Variants in MGA observed in about 807,000 individuals in gnomAD.
MGA encodes MAX gene-associated protein.
In MGA, 40 loss-of-function variants were observed where a neutral mutation model predicts 261.1. The ratio of observed to expected loss-of-function variants is 0.15; its 90% CI spans 0.12 to 0.20. The LOEUF is 0.20. Among genes scored for constraint, MGA ranks in the 10% least tolerant of loss-of-function variants. MGA has a pLI of 1.00. For missense variants in MGA, 3,397 were observed against 3,630.5 expected, an observed-to-expected ratio of 0.94 and a Z score of 1.65; for synonymous variants, 1,302 against 1,290.6, an observed-to-expected ratio of 1.01 and a Z score of -0.19.
At chr15:41,759,040 G>C (rs2063303898) in intron 19 of MGA, among the ~76,000 whole-genome samples, 1 of 152,166 alleles carries the variant, frequency 6.6e-6, no homozygotes, top group Admixed American at 6.5e-5. Flanking sequence ...GGAGGTGAGA[G>C]AGGGAAGAAG....
At chr15:41,664,834 A>G (rs1352369029) in intron 1 of MGA, among the ~76,000 whole-genome samples, 1 of 152,146 alleles carries the variant, frequency 6.6e-6, no homozygotes, top group Non-Finnish European at 1.5e-5. Flanking sequence ...AGTCTCTGAT[A>G]GGTATCGCCT....
Position 41,760,344 on chromosome 15 carries a change from C to G in MGA, c.7213C>G (p.Leu2405Val), listed in dbSNP as rs372245090. The G allele has an allele frequency of 2.2e-5, 35 of 1,613,910 alleles. No individual in the cohort carries two copies. Among genetic ancestry groups the G allele is most frequent in the Middle Eastern group, 1.6e-4 (1 of 6,084 alleles). Residue 2405 changes from leucine to valine, a missense_variant, in exon 20 of 24, where the codon CTG becomes GTG. By Grantham distance (32) the Leu-to-Val change is conservative. Transcript: ENST00000219905. Reference sequence around the variant, plus strand: ...ACAGGCTCCACCAATTCCTCTAAAACTGAAGCCTGATTACTGGAGTGACAA... The same window carrying G: ...ACAGGCTCCACCAATTCCTCTAAAAGTGAAGCCTGATTACTGGAGTGACAA...
At chr15:41,700,991 T>C (rs1295318096) in intron 5 of MGA, among the ~76,000 whole-genome samples, 1 of 152,252 alleles carries the variant, frequency 6.6e-6, no homozygotes, top group Non-Finnish European at 1.5e-5. Context: ...AGGCAGCTTG[T>C]GTGACAGTGC....
intron 18 of MGA, among the ~76,000 whole-genome samples, chr15:41,754,892 A>G (rs978096452): frequency 2.0e-5 from 3 of 152,180 alleles, no homozygotes; most frequent in South Asian, 2.1e-4. Context: ...TTACCTATGA[A>G]ATGAGGAAAA....
intron 2 of MGA, among the ~76,000 whole-genome samples, chr15:41,692,174 A>C (rs2059324905): frequency 6.6e-6 from 1 of 151,888 alleles, no homozygotes. Context: ...TATTTTAGTA[A>C]ATTTCAGCTC....
intron 2 of MGA, among the ~76,000 whole-genome samples, chr15:41,680,439 A>G (rs2058608568): frequency 6.6e-6 from 1 of 152,216 alleles, no homozygotes. Context: ...GTTGGTCTCC[A>G]TAGGTTGAAA....
In MGA at chr15:41,650,811, T is replaced by C. The variant is rs142503303; in HGVS notation, c.-67-18017T>C. Among the ~76,000 whole-genome samples, 856 of 152,102 alleles carry C rather than the reference T, an allele frequency of 5.6e-3. 8 individuals are homozygous for C. Among genetic ancestry groups the C allele is most frequent in the African/African-American group, 0.02 (825 of 41,474 alleles). ...GTAGGGATCTAAATGTTCAAAAGAGTGAATATGTATCATGAACATCATGGA... is the reference window on the plus strand; with the variant it reads ...GTAGGGATCTAAATGTTCAAAAGAGCGAATATGTATCATGAACATCATGGA... On this transcript the variant is annotated intron_variant, in intron 1 of 8. Coordinates refer to the MGA transcript ENST00000566718.
Position 41,749,402 on chromosome 15 carries a change from G to A in MGA, c.5795G>A (p.Gly1932Asp). The A allele has an allele frequency of 6.2e-7, 1 of 1,613,828 alleles. No homozygotes were observed. The highest frequency in any genetic ancestry group is 2.2e-5 in the East Asian group (1 of 44,896). Reference sequence around the variant, plus strand: ...TATAGCTCAGGAGGACAGCCTGTTGGTACAGCCAGTCTTATTCCTCTCCAG... The same window carrying A: ...TATAGCTCAGGAGGACAGCCTGTTGATACAGCCAGTCTTATTCCTCTCCAG... Residue 1932 changes from glycine (G) to aspartate (D), a missense_variant, in exon 17 of 24, where the codon GGT (glycine) becomes GAT (aspartate). Coordinates refer to ENST00000219905, the MANE Select transcript of MGA (RefSeq NM_001164273.2).
At chr15:41,723,389 G>T (rs1029934731) in intron 9 of MGA, among the ~76,000 whole-genome samples, 2 of 152,018 alleles carry the variant, frequency 1.3e-5, no homozygotes, top group African/African-American at 2.4e-5. Context: ...GATGGTCCTG[G>T]TTTTTAATTC....
At chr15:41,668,804 G>A in intron 1 of MGA, 24 bp from the exon 2 acceptor site, 1 of 984,604 alleles carries the variant, frequency 1.0e-6, no homozygotes, top group Non-Finnish European at 1.5e-6. Context: ...TTTTGTTTTT[G>A]GTTTTTTTTT....
At chr15:41,636,459 A>ATTTT (rs1017999541) in intron 1 of MGA, among the ~76,000 whole-genome samples, 4 of 87,414 alleles carry the variant, frequency 4.6e-5, no homozygotes, top group Non-Finnish European at 9.4e-5. Flanking sequence ...TGCTTGGCTA[A>ATTTT]TTTTTTTTTT....
At chr15:41,621,694 G>C (rs1055537819) in intron 1 of MGA, 2 of 152,220 alleles carry the variant, frequency 1.3e-5, no homozygotes, top group African/African-American at 4.8e-5. Flanking sequence ...TTGTGCGTTG[G>C]GGGGAAGGAG....
chr15:41,656,709 C>T (rs552441921), upstream of MGA, among the ~76,000 whole-genome samples: 1 of 151,972 alleles, frequency 6.6e-6, no homozygotes, highest in South Asian at 2.1e-4. Context: ...TCTTTTCATC[C>T]TCCCTTCTCT....
intron 5 of MGA, among the ~76,000 whole-genome samples, chr15:41,700,121 T>A (rs1328014287): frequency 6.9e-6 from 1 of 144,912 alleles, no homozygotes; most frequent in East Asian, 2.3e-4. Context: ...CTCAGCTCAC[T>A]GCAAGCTCTG....
chr15:41,711,241 G>C lies in MGA; in HGVS notation c.2976G>C (p.Gln992His). The C allele has an allele frequency of 6.2e-7, 1 of 1,614,022 alleles. No individual in the cohort carries two copies. Among genetic ancestry groups the C allele is most frequent in the Non-Finnish European group, 8.5e-7 (1 of 1,179,894 alleles). Residue 992 changes from glutamine to histidine, a missense_variant, in exon 8 of 24, where the codon CAG (glutamine) becomes CAC (histidine). Transcript: ENST00000219905. ...GCCCTCCAGGCTTGTCTAAATCTCA[G>C]GTGAAGCTAATGGACCTGGAAGACT...
intron 9 of MGA, among the ~76,000 whole-genome samples, chr15:41,723,874 C>T (rs2061084650): frequency 6.6e-6 from 1 of 152,072 alleles, no homozygotes; most frequent in African/African-American, 2.4e-5. Context: ...TAACCATTTC[C>T]TACTTATTCA....
At chr15:41,747,290 TAAAAACC>T (rs1468136707) in intron 15 of MGA, among the ~76,000 whole-genome samples, 10 of 152,332 alleles carry the variant, frequency 6.6e-5, no homozygotes, top group South Asian at 2.1e-4. Flanking sequence ...TAGTGAATTT[TAAAAACC>T]AAAAGCCCTT....
intron 18 of MGA, among the ~76,000 whole-genome samples, chr15:41,755,874 C>T (rs922500888): frequency 3.9e-5 from 6 of 152,110 alleles, no homozygotes; most frequent in Admixed American, 3.9e-4. Flanking sequence ...TGCAAATTAG[C>T]CGGGCTTGTT....
At chr15:41,702,151 C>G (rs1239290453) in intron 5 of MGA, among the ~76,000 whole-genome samples, 3 of 152,028 alleles carry the variant, frequency 2.0e-5, no homozygotes, top group Non-Finnish European at 1.5e-5. Context: ...GAAACTCCGT[C>G]TCTACTAAAA....
Sources: gnomAD v4.1 joint callset for allele counts (sites outside exome capture counted in the v4.1 genomes callset) on GRCh38, gnomAD v4.1.1 for gene constraint, MANE v1.5 for transcripts, NCBI Gene and HGNC (gene_info 2026-07-23, HGNC 2026-07-21) for gene names.